Variants in CRYBB1 observed in about 807,000 individuals in gnomAD.
CRYBB1 encodes crystallin beta B1.
CRYBB1 carries 16 observed loss-of-function variants against 29.5 expected under a neutral mutation model. The observed-to-expected ratio is 0.54, with a 90% confidence interval of 0.37 to 0.82. The LOEUF is 0.82. Ranked by LOEUF, CRYBB1 falls within the 40% of genes least tolerant of loss-of-function variation. The pLI, the probability that CRYBB1 is intolerant of heterozygous loss-of-function variation, is 0.00. For missense variants in CRYBB1, 300 were observed against 350.5 expected, an observed-to-expected ratio of 0.86 and a Z score of 1.15; for synonymous variants, 127 against 136.7, an observed-to-expected ratio of 0.93 and a Z score of 0.49.
In CRYBB1 at chr22:26,602,036, G is replaced by T; in HGVS notation, c.433-15C>A. ...TCCTGGGCATCCTGGGGAAAGAGAG[G>T]CCGGGTCAGGTGTGTGAAGTACAAA... On this transcript the variant is annotated splice_polypyrimidine_tract_variant and intron_variant, in intron 4 of 5. Transcript: ENST00000647684. 1.2e-6 allele frequency: 2 copies of T among 1,613,066 alleles called. No homozygotes were observed. Among genetic ancestry groups the T allele is most frequent in the Non-Finnish European group, 1.7e-6 (2 of 1,179,868 alleles).
In CRYBB1 at chr22:26,610,216, T is replaced by G. The variant is rs142733013; in HGVS notation, c.299+1856A>C. Reference sequence around the variant, plus strand: ...ATTTTAATTTATAAGATATGGAAACTGAGGCTAAGAGGGGTTAAGTCCCCA... The same window carrying G: ...ATTTTAATTTATAAGATATGGAAACGGAGGCTAAGAGGGGTTAAGTCCCCA... On this transcript the variant is annotated intron_variant, in intron 3 of 5. Coordinates refer to ENST00000647684, the MANE Select transcript of CRYBB1 (RefSeq NM_001887.4). Among the ~76,000 whole-genome samples the G allele has an allele frequency of 4.9e-3, 743 of 152,296 alleles. 2 individuals are homozygous for G. The highest frequency in any genetic ancestry group is 0.017 in the African/African-American group (716 of 41,564).
At chr22:26,615,665 C>T (rs1029883606) in intron 2 of CRYBB1, among the ~76,000 whole-genome samples, 1 of 152,154 alleles carries the variant, frequency 6.6e-6, no homozygotes, top group Non-Finnish European at 1.5e-5. Context: ...AGGCGCCCAC[C>T]ACTACGCCTG....
At position 26,612,750 on chromosome 22, in the gene CRYBB1, G is replaced by C. The variant is rs77001781; in HGVS notation, c.181-560C>G. Among the ~76,000 whole-genome samples the C allele has an allele frequency of 1.5e-3, 227 of 152,280 alleles. 1 individual carries two copies. The highest frequency in any genetic ancestry group is 5.0e-3 in the African/African-American group (206 of 41,530). On this transcript the variant is annotated intron_variant, in intron 2 of 5. Transcript: ENST00000647684. ...TTGTGCTATTCCTCCTGCCTGGAAT[G>C]CCTTCTCCACCACACATATCCAGCT...
intron 4 of CRYBB1, among the ~76,000 whole-genome samples, chr22:26,607,681 G>A (rs895476056): frequency 3.9e-5 from 6 of 151,912 alleles, no homozygotes; most frequent in Non-Finnish European, 7.4e-5. Flanking sequence ...CTTATCATTT[G>A]CCCAGGGTTC....
At chr22:26,615,640 A>G (rs1010982752) in intron 2 of CRYBB1, among the ~76,000 whole-genome samples, 1 of 151,762 alleles carries the variant, frequency 6.6e-6, no homozygotes, top group Non-Finnish European at 1.5e-5. Context: ...CAGCCTCCCA[A>G]GTAGCTGGGA....
chr22:26,614,655 G>T (rs1929285407), intron 2 of CRYBB1, among the ~76,000 whole-genome samples: 1 of 152,096 alleles, frequency 6.6e-6, no homozygotes. Flanking sequence ...AAAGTACAAA[G>T]AAAAGCCCAG....
intron 5 of CRYBB1, among the ~76,000 whole-genome samples, chr22:26,600,321 G>A (rs1042866013): frequency 6.6e-6 from 1 of 151,944 alleles, no homozygotes; most frequent in African/African-American, 2.4e-5. Context: ...AGAACGGCGT[G>A]AACCCAGGAG....
chr22:26,616,474 T>C, intron 1 of CRYBB1, 136 bp from the exon 2 acceptor site: 1 of 671,606 alleles, frequency 1.5e-6, no homozygotes, highest in South Asian at 1.7e-5. Flanking sequence ...AGCCTGGAAG[T>C]TTTTCTTTCA....
chr22:26,616,068 G>A (rs1051167151), intron 2 of CRYBB1, 72 bp downstream of exon 2: 2 of 1,177,628 alleles, frequency 1.7e-6, no homozygotes, highest in African/African-American at 1.5e-5. Flanking sequence ...AAGAGGAGGA[G>A]GAGAAGAAGG....
intron 4 of CRYBB1, among the ~76,000 whole-genome samples, chr22:26,603,979 G>A (rs926575729): frequency 3.9e-5 from 6 of 152,184 alleles, no homozygotes; most frequent in East Asian, 3.9e-4. Context: ...ACATGATTCA[G>A]TTCTGGCTTG....
At chr22:26,607,857 G>T in intron 4 of CRYBB1, 32 bp downstream of exon 4, 1 of 1,613,934 alleles carries the variant, frequency 6.2e-7, no homozygotes, top group South Asian at 1.1e-5. Flanking sequence ...CCGCCTGGCT[G>T]ATTCTCCAGC....
chr22:26,612,981 C>A (rs1436972879), intron 2 of CRYBB1, among the ~76,000 whole-genome samples: 1 of 152,162 alleles, frequency 6.6e-6, no homozygotes, highest in Non-Finnish European at 1.5e-5. Context: ...TTTGGGGTCT[C>A]CCTCTCTCTC....
At position 26,607,829 on chromosome 22, in the gene CRYBB1, A is replaced by G. The variant is rs1602325191; in HGVS notation, c.432+60T>C. On this transcript the variant is annotated intron_variant, in intron 4 of 5. Transcript: ENST00000647684. ...CCTTCTTGCCCTTGTCAGATCTCAG[A>G]CTTACACCTGCCCTGCCCCGCCTGG... 2.5e-6 allele frequency: 4 copies of G among 1,612,270 alleles called. No homozygotes were observed. The East Asian group carries it at 8.9e-5, about 36-fold the overall frequency.
At chr22:26,614,676 T>C (rs1014455168) in intron 2 of CRYBB1, among the ~76,000 whole-genome samples, 1 of 152,122 alleles carries the variant, frequency 6.6e-6, no homozygotes, top group African/African-American at 2.4e-5. Context: ...AATAATCACA[T>C]TGCATATTTC....
chr22:26,608,468 T>C (rs958619965), intron 3 of CRYBB1, among the ~76,000 whole-genome samples: 1 of 152,236 alleles, frequency 6.6e-6, no homozygotes, highest in Non-Finnish European at 1.5e-5. Context: ...TCTCCTTTTT[T>C]TCTTTTGTAA....
chr22:26,615,208 A>G (rs1031102676), intron 2 of CRYBB1, among the ~76,000 whole-genome samples: 2 of 152,228 alleles, frequency 1.3e-5, no homozygotes, highest in Non-Finnish European at 2.9e-5. Flanking sequence ...GGTTGAAACC[A>G]CACCAAACCA....
intron 1 of CRYBB1, among the ~76,000 whole-genome samples, chr22:26,617,071 G>T (rs1417976348): frequency 6.6e-6 from 1 of 152,176 alleles, no homozygotes; most frequent in Non-Finnish European, 1.5e-5. Flanking sequence ...TCCTCTGAGG[G>T]GTTGGTGTAT....
intron 5 of CRYBB1, among the ~76,000 whole-genome samples, chr22:26,600,589 G>C (rs928344613): frequency 1.1e-4 from 16 of 152,160 alleles, no homozygotes; most frequent in Non-Finnish European, 2.4e-4. Context: ...GGATGATAAT[G>C]CACCCACCTC....
At chr22:26,607,315 C>A (rs1006310735) in intron 4 of CRYBB1, among the ~76,000 whole-genome samples, 15 of 152,102 alleles carry the variant, frequency 9.9e-5, no homozygotes, top group African/African-American at 3.6e-4. Context: ...GGCCACCATG[C>A]CCGGCTACAA....
Sources: gnomAD v4.1 joint callset for allele counts (sites outside exome capture counted in the v4.1 genomes callset) on GRCh38, gnomAD v4.1.1 for gene constraint, MANE v1.5 for transcripts, NCBI Gene and HGNC (gene_info 2026-07-23, HGNC 2026-07-21) for gene names.